The following CHIC2 variants were observed in gnomAD, a reference collection of about 807,000 sequenced individuals.
The protein encoded by CHIC2 is cysteine rich hydrophobic domain 2.
Under a neutral mutation model 25.9 loss-of-function variants are expected in CHIC2, and 14 were observed. The ratio of observed to expected loss-of-function variants is 0.54; its 90% CI spans 0.36 to 0.85. CHIC2 has a LOEUF of 0.85. Among genes scored for constraint, CHIC2 ranks in the 40% least tolerant of loss-of-function variants. CHIC2 has a pLI of 0.01. For synonymous variants in CHIC2, 70 were observed against 72.0 expected (o/e 0.97, Z 0.14); for missense variants, 146 against 202.0 (o/e 0.72, Z 1.68).
the CHIC2 span, among the ~76,000 whole-genome samples, chr4:54,073,844 A>G: frequency 5.9e-5 from 9 of 152,342 alleles, no homozygotes; most frequent in Non-Finnish European, 1.0e-4. Context: ...AAAATAGATC[A>G]AACTATTAAT....
chr4:54,017,980 A>G (rs1478326707), intron 3 of CHIC2, among the ~76,000 whole-genome samples: 4 of 152,226 alleles, frequency 2.6e-5, no homozygotes, highest in Non-Finnish European at 4.4e-5. Context: ...ATTACTGAAT[A>G]GGTATTAAAC....
At chr4:54,045,634 T>C (rs1266469195) in intron 3 of CHIC2, among the ~76,000 whole-genome samples, 1 of 152,018 alleles carries the variant, frequency 6.6e-6, no homozygotes, top group East Asian at 1.9e-4. Context: ...AAATTAGGTA[T>C]TGATGGGACA....
chr4:54,047,873 A>T (rs1716884377), intron 3 of CHIC2, among the ~76,000 whole-genome samples: 1 of 151,980 alleles, frequency 6.6e-6, no homozygotes, highest in African/African-American at 2.4e-5. Flanking sequence ...TATTTAAAAA[A>T]ATTTTTTTAA....
chr4:54,010,467 C>A (rs1005121582), intron 5 of CHIC2, among the ~76,000 whole-genome samples: 15 of 152,084 alleles, frequency 9.9e-5, no homozygotes, highest in African/African-American at 3.4e-4. Context: ...TGCATACATG[C>A]ACGCTCCCCT....
the CHIC2 span, among the ~76,000 whole-genome samples, chr4:54,089,647 C>T: frequency 1.3e-5 from 2 of 152,018 alleles, no homozygotes; most frequent in African/African-American, 4.8e-5. Flanking sequence ...GAAAATATTC[C>T]CTTCCATTTT....
chr4:54,014,164 A>G (rs1715674246), intron 3 of CHIC2, 45 bp from the exon 4 acceptor site: 2 of 1,585,680 alleles, frequency 1.3e-6, no homozygotes, highest in Admixed American at 1.7e-5. Flanking sequence ...CTGGTTTTAG[A>G]AAACTTTGTT....
At chr4:54,072,944 C>T in the CHIC2 span, among the ~76,000 whole-genome samples, 983 of 152,094 alleles carry the variant, frequency 6.5e-3, 16 homozygotes, top group Non-Finnish European at 7.1e-3. Flanking sequence ...TGGTGGCGGG[C>T]GCCTATAGTC....
the CHIC2 span, among the ~76,000 whole-genome samples, chr4:54,070,616 T>A: frequency 6.6e-6 from 1 of 151,884 alleles, no homozygotes; most frequent in African/African-American, 2.4e-5. Context: ...AGAGACGGGG[T>A]TTCACCGTGT....
intron 3 of CHIC2, among the ~76,000 whole-genome samples, chr4:54,040,037 T>C (rs112546081): frequency 3.3e-5 from 5 of 151,978 alleles, no homozygotes; most frequent in African/African-American, 9.7e-5. Context: ...GGTTTAAGAG[T>C]TGACGAGGGT....
chr4:54,064,700 CGTGGGCGA>C (rs1717463253), upstream of CHIC2: 1 of 996,050 alleles, frequency 1.0e-6, no homozygotes. The surrounding 1 kb of genome is among the most constrained non-coding windows in gnomAD (Gnocchi z 4.2). Flanking sequence ...TGCGTGGGCG[CGTGGGCGA>C]GCGGACTGGC....
At chr4:54,025,442 T>C (rs1220732433) in intron 3 of CHIC2, among the ~76,000 whole-genome samples, 2 of 152,190 alleles carry the variant, frequency 1.3e-5, no homozygotes, top group Admixed American at 6.5e-5. Context: ...CACCCTTTGC[T>C]GACTCTCTTT....
At chr4:54,032,438 G>C (rs1030979347) in intron 3 of CHIC2, among the ~76,000 whole-genome samples, 1 of 151,930 alleles carries the variant, frequency 6.6e-6, no homozygotes, top group Non-Finnish European at 1.5e-5. Context: ...ACTGGTTTTC[G>C]TATTTTTTTG....
intron 3 of CHIC2, among the ~76,000 whole-genome samples, chr4:54,035,160 T>C (rs1276345462): frequency 6.6e-6 from 1 of 152,190 alleles, no homozygotes; most frequent in Non-Finnish European, 1.5e-5. Flanking sequence ...GTTTAGAAGT[T>C]TTATATCTAT....
intron 3 of CHIC2, among the ~76,000 whole-genome samples, chr4:54,017,384 TAA>T (rs1377115162): frequency 1.3e-5 from 2 of 152,156 alleles, no homozygotes; most frequent in African/African-American, 4.8e-5. Flanking sequence ...TCTAAAAAAA[TAA>T]GTCATCTTTA....
intron 1 of CHIC2, among the ~76,000 whole-genome samples, chr4:54,058,427 C>T (rs1242401181): frequency 6.6e-6 from 1 of 151,906 alleles, no homozygotes; most frequent in African/African-American, 2.4e-5. Context: ...TCCACAGTAC[C>T]ATCTATTACT....
At position 54,049,312 on chromosome 4, in the gene CHIC2, T is replaced by TA. The variant is rs1181354494; in HGVS notation, c.120-8dup. 6.4e-7 allele frequency: 1 copy of TA among 1,557,446 alleles called. No homozygotes were observed. The highest frequency in any genetic ancestry group is 8.8e-7 in the Non-Finnish European group (1 of 1,140,410). ...TTTGTTGCTCAGTCCAAATCTATTT[T>TA]AAAAAATAAGAAGAATATGTTATTA... is the stretch of plus-strand genomic sequence containing the variant. On this transcript the variant is annotated splice_polypyrimidine_tract_variant and splice_region_variant and intron_variant, in intron 1 of 5. Transcript: ENST00000263921.
upstream of CHIC2, among the ~76,000 whole-genome samples, chr4:54,067,622 G>C (rs1188491010): frequency 2.0e-5 from 3 of 152,012 alleles, no homozygotes; most frequent in Non-Finnish European, 4.4e-5. Flanking sequence ...CTCTTCATTG[G>C]AGTTTCTCTT....
At chr4:54,031,767 G>A (rs1424240773) in intron 3 of CHIC2, among the ~76,000 whole-genome samples, 3 of 151,854 alleles carry the variant, frequency 2.0e-5, no homozygotes, top group African/African-American at 7.3e-5. Context: ...TTACAGGCAC[G>A]TGTCACCACG....
intron 3 of CHIC2, among the ~76,000 whole-genome samples, chr4:54,018,211 C>T (rs1406148508): frequency 1.3e-5 from 2 of 151,940 alleles, no homozygotes; most frequent in Non-Finnish European, 2.9e-5. Flanking sequence ...TAAGACATAC[C>T]TTCCAAAGAA....
Sources: allele counts gnomAD v4.1 joint callset (sites outside exome capture counted in the v4.1 genomes callset), GRCh38; gene constraint gnomAD v4.1.1; non-coding constraint Gnocchi (gnomAD v3.1); transcripts MANE v1.5; gene names NCBI Gene and HGNC (gene_info 2026-07-23, HGNC 2026-07-21).